Variants in DLGAP4 observed in about 807,000 individuals in gnomAD.
The protein encoded by DLGAP4 is DLG associated protein 4.
In DLGAP4, 18 loss-of-function variants were observed where a neutral mutation model predicts 86.9. That is an observed-to-expected ratio of 0.21 (90% CI 0.14 to 0.31). The LOEUF is 0.31. Among genes scored for constraint, DLGAP4 ranks in the 10% least tolerant of loss-of-function variants. DLGAP4 has a pLI of 1.00. For synonymous variants in DLGAP4, 548 were observed against 574.3 expected (o/e 0.95, Z 0.65); for missense variants, 1,085 against 1,362.6 (o/e 0.80, Z 3.21).
chr20:36,476,664 T>C (rs1172037094), intron 7 of DLGAP4, among the ~76,000 whole-genome samples: 1 of 144,480 alleles, frequency 6.9e-6, no homozygotes. Context: ...TCTATTACTC[T>C]AGGTATCTCA....
chr20:36,413,731 T>G (rs1420111660), intron 2 of DLGAP4, among the ~76,000 whole-genome samples: 3 of 152,142 alleles, frequency 2.0e-5, no homozygotes, highest in Non-Finnish European at 4.4e-5. Flanking sequence ...TTCTGGACAT[T>G]TCATATAAAG....
chr20:36,468,590 A>G (rs973624400), intron 7 of DLGAP4, among the ~76,000 whole-genome samples: 3 of 152,248 alleles, frequency 2.0e-5, no homozygotes, highest in African/African-American at 7.2e-5. Context: ...AGGCAGAGCA[A>G]CCACATGGCA....
chr20:36,485,049 A>G (rs1316305641), intron 7 of DLGAP4, among the ~76,000 whole-genome samples: 1 of 152,216 alleles, frequency 6.6e-6, no homozygotes, highest in Non-Finnish European at 1.5e-5. Flanking sequence ...TAATTAGGAT[A>G]TCCATCACCT....
intron 7 of DLGAP4, among the ~76,000 whole-genome samples, chr20:36,475,945 C>T (rs186812746): frequency 1.4e-3 from 213 of 152,044 alleles, no homozygotes; most frequent in Admixed American, 0.012. Context: ...CTGCAACCTT[C>T]GCCTCCCGGG....
chr20:36,416,076 G>A (rs987025060), intron 2 of DLGAP4, among the ~76,000 whole-genome samples: 11 of 152,160 alleles, frequency 7.2e-5, no homozygotes, highest in East Asian at 1.9e-4. Context: ...TTATGCTTGG[G>A]ATGAGCGTAT....
At chr20:36,385,267 G>A (rs920761497) in intron 2 of DLGAP4, among the ~76,000 whole-genome samples, 3 of 152,146 alleles carry the variant, frequency 2.0e-5, no homozygotes, top group African/African-American at 7.2e-5. Flanking sequence ...GAGCTGTGTG[G>A]CCTCAAACAA....
chr20:36,469,985 C>T (rs148104637), intron 7 of DLGAP4, among the ~76,000 whole-genome samples: 1 of 152,140 alleles, frequency 6.6e-6, no homozygotes, highest in African/African-American at 2.4e-5. Context: ...GGGGACCCTC[C>T]CCACCTCCTT....
intron 7 of DLGAP4, among the ~76,000 whole-genome samples, chr20:36,484,561 T>G (rs1349789897): frequency 6.6e-6 from 1 of 152,282 alleles, no homozygotes; most frequent in African/African-American, 2.4e-5. Context: ...TCCTGCCACC[T>G]GTGTCCTGGT....
intron 7 of DLGAP4, among the ~76,000 whole-genome samples, chr20:36,456,292 G>A (rs7274443): frequency 0.071 from 10,771 of 152,264 alleles, 415 homozygotes; most frequent in East Asian, 0.11. Flanking sequence ...TGACTTCGAA[G>A]CCCTGGGTTC....
chr20:36,474,749 G>A (rs2034833303), intron 7 of DLGAP4, among the ~76,000 whole-genome samples: 2 of 152,126 alleles, frequency 1.3e-5, no homozygotes. Flanking sequence ...GGGAAGGGTG[G>A]GGGGTGGAGG....
chr20:36,402,812 T>G (rs1312680357), intron 2 of DLGAP4, among the ~76,000 whole-genome samples: 1 of 152,192 alleles, frequency 6.6e-6, no homozygotes, highest in African/African-American at 2.4e-5. Context: ...GTTACTACCT[T>G]CATCTTAACA....
intron 12 of DLGAP4, among the ~76,000 whole-genome samples, chr20:36,526,365 T>C (rs574448523): frequency 1.4e-3 from 211 of 152,192 alleles, no homozygotes; most frequent in South Asian, 2.7e-3. Flanking sequence ...CTCTGTGACC[T>C]TGTGGTAGCC....
In DLGAP4 at chr20:36,466,145, T is replaced by C. The variant is rs572444281; in HGVS notation, c.1648+19208T>C. 3.9e-5 allele frequency among the ~76,000 whole-genome samples: 6 copies of C among 152,316 alleles called. No homozygotes were observed. In the East Asian group the frequency reaches 1.2e-3, roughly 29 times the overall value. ...CATGCCCCTAGGTTTTTAAACCAGC[T>C]CTCTAGAGGATGCTGGTGCTGAGAG... On this transcript the variant is annotated intron_variant, in intron 7 of 12. Transcript: ENST00000339266.
intron 7 of DLGAP4, among the ~76,000 whole-genome samples, chr20:36,456,901 C>G (rs2033893110): frequency 6.6e-6 from 1 of 152,184 alleles, no homozygotes; most frequent in African/African-American, 2.4e-5. Context: ...CCTTGGAGGC[C>G]CTACGGCATG....
intron 2 of DLGAP4, among the ~76,000 whole-genome samples, chr20:36,391,538 T>C (rs2031783899): frequency 6.6e-6 from 1 of 152,178 alleles, no homozygotes; most frequent in Non-Finnish European, 1.5e-5. Context: ...TGGAATTGCC[T>C]TCTCTCTTGT....
chr20:36,423,592 G>A, intron 2 of DLGAP4, among the ~76,000 whole-genome samples: 1 of 151,964 alleles, frequency 6.6e-6, no homozygotes, highest in East Asian at 1.9e-4. Flanking sequence ...ATAGTGAGGT[G>A]AGGAGGGGAA....
chr20:36,524,450 G>A (rs1485781551), intron 11 of DLGAP4, 109 bp downstream of exon 11: 9 of 893,110 alleles, frequency 1.0e-5, no homozygotes, highest in South Asian at 5.0e-5. Flanking sequence ...CACACACAGC[G>A]CGGCTTCCTC....
At chr20:36,499,174 G>A in intron 8 of DLGAP4, 1 of 1,025,944 alleles carries the variant, frequency 9.7e-7, no homozygotes, top group Non-Finnish European at 1.4e-6. Context: ...CTGTGGCTTT[G>A]TGTGTGTGTG....
At chr20:36,320,992 G>A (rs2065162214) in intron 1 of DLGAP4, among the ~76,000 whole-genome samples, 3 of 152,148 alleles carry the variant, frequency 2.0e-5, no homozygotes, top group Admixed American at 2.0e-4. Context: ...AGCCTGCTGC[G>A]GGCCAGGTCC....
Sources: allele counts gnomAD v4.1 joint callset (sites outside exome capture counted in the v4.1 genomes callset), GRCh38; gene constraint gnomAD v4.1.1; transcripts MANE v1.5; gene names NCBI Gene and HGNC (gene_info 2026-07-23, HGNC 2026-07-21).